Variants in PRCC observed in about 807,000 individuals in gnomAD.
PRCC encodes proline rich mitotic checkpoint control factor.
PRCC carries 10 observed loss-of-function variants against 44.0 expected under a neutral mutation model. That is an observed-to-expected ratio of 0.23 (90% CI 0.14 to 0.39). The LOEUF is 0.39. PRCC is among the 10% of genes least tolerant of loss of function. The pLI, the probability that PRCC is intolerant of heterozygous loss-of-function variation, is 1.00. For synonymous variants in PRCC, 278 were observed against 259.5 expected (o/e 1.07, Z -0.69); for missense variants, 573 against 624.7 (o/e 0.92, Z 0.88).
At position 156,797,287 on chromosome 1, in the gene PRCC, G is replaced by A; in HGVS notation, c.1335G>A (p.Glu445=). 6.2e-7 allele frequency: 1 copy of A among 1,614,144 alleles called. No individual in the cohort carries two copies. ...TMKSFSKKKG[E]QPTGQQRRKH... ...TTCTTCTCTTGCAGAAGAAAGGTGAGCAGCCAACAGGCCAGCAGCGGCGGA... is the reference window on the plus strand; with the variant it reads ...TTCTTCTCTTGCAGAAGAAAGGTGAACAGCCAACAGGCCAGCAGCGGCGGA... Residue 445 remains glutamate, a synonymous_variant, in exon 6 of 7, where the codon GAG becomes GAA. Transcript: ENST00000271526.
chr1:156,790,679 A>T (rs1402073165), intron 3 of PRCC, among the ~76,000 whole-genome samples: 3 of 152,236 alleles, frequency 2.0e-5, no homozygotes, highest in Admixed American at 6.5e-5. Flanking sequence ...GAAAATAAAA[A>T]AGATGCTATT....
At chr1:156,794,522 A>G (rs1652594237) in intron 4 of PRCC, 143 bp from the exon 5 acceptor site, 1 of 966,926 alleles carries the variant, frequency 1.0e-6, no homozygotes, top group South Asian at 1.7e-5. Context: ...AGTTTGGTAG[A>G]TGGCAGGGTG....
rs182402078 is a variant in PRCC, at chr1:156,782,791, C to T, written c.516+462C>T. On this transcript the variant is annotated intron_variant, in intron 2 of 6. Coordinates refer to ENST00000271526, the MANE Select transcript of PRCC (RefSeq NM_005973.5). ...AATTGATTTCATCCTCATGATAGTG[C>T]CTAAGCCATAGTGTTATCATCCCTG... is the stretch of plus-strand genomic sequence containing the variant. 7.8e-3 allele frequency among the ~76,000 whole-genome samples: 1,180 copies of T among 152,230 alleles called. 11 individuals carry two copies. Among genetic ancestry groups the T allele is most frequent in the Non-Finnish European group, 0.01 (686 of 68,020 alleles).
At chr1:156,771,656 T>A (rs1177162116) in intron 1 of PRCC, among the ~76,000 whole-genome samples, 1 of 150,926 alleles carries the variant, frequency 6.6e-6, no homozygotes, top group Non-Finnish European at 1.5e-5. Context: ...TTGCAAGTGT[T>A]AGAAGCCAAC....
chr1:156,768,154 G>A lies in PRCC; in HGVS notation c.383G>A (p.Gly128Asp). Residue 128 changes from glycine to aspartate, a missense_variant, in exon 1 of 7, where the codon GGT becomes GAT. Transcript: ENST00000271526. The stretch of plus-strand genomic sequence containing the variant: ...CTCAATCTGCCCCCTCCAATTGGCG[G>A]TGCCGGTCCCCCGCTGGGGCTTCCC... ...PGLNLPPPIG[G>D]AGPPLGLPKP... 1 of 1,557,740 alleles carries A rather than the reference G, an allele frequency of 6.4e-7. No individual in the cohort carries two copies. Among genetic ancestry groups the A allele is most frequent in the Non-Finnish European group, 8.7e-7 (1 of 1,151,056 alleles).
rs566730474 is a variant in PRCC, at chr1:156,777,773, T to C, written c.469-4509T>C. ...AGGTGAGAGTCATCAGAGAGACTTCTCAGGAGTTTCGAGTCAGGAAGTAGA... is the reference window on the plus strand; with the variant it reads ...AGGTGAGAGTCATCAGAGAGACTTCCCAGGAGTTTCGAGTCAGGAAGTAGA... On this transcript the variant is annotated intron_variant, in intron 1 of 6. Coordinates refer to ENST00000271526, the MANE Select transcript of PRCC (RefSeq NM_005973.5). Among the ~76,000 whole-genome samples, 9 of 152,142 alleles carry C rather than the reference T, an allele frequency of 5.9e-5. No individual in the cohort carries two copies. In the South Asian group the frequency reaches 1.9e-3, roughly 32 times the overall value.
At chr1:156,795,546 A>T (rs1224105484) in intron 5 of PRCC, among the ~76,000 whole-genome samples, 1 of 152,030 alleles carries the variant, frequency 6.6e-6, no homozygotes, top group East Asian at 1.9e-4. Flanking sequence ...TTGGCCTGCC[A>T]AAGTGCTGGG....
intron 4 of PRCC, among the ~76,000 whole-genome samples, chr1:156,793,483 G>A (rs1446364461): frequency 6.7e-6 from 1 of 148,520 alleles, no homozygotes; most frequent in Non-Finnish European, 1.5e-5. Flanking sequence ...GTCCTAGAAA[G>A]TTTACTGGGC....
At chr1:156,799,500 CCCCTTTCCTGGG>C (rs765657608) in intron 6 of PRCC, among the ~76,000 whole-genome samples, 33 of 152,176 alleles carry the variant, frequency 2.2e-4, no homozygotes, top group Non-Finnish European at 4.1e-4. Context: ...CCTTTCCTGG[CCCCTTTCCTGGG>C]AAGTGTACAT....
Position 156,782,244 on chromosome 1 carries a change from A to G in PRCC, c.469-38A>G, listed in dbSNP as rs777220998. Reference sequence around the variant, plus strand: ...TTTAATGTGTTTCCTTTACTGTCCTAAAACAGTGAGGCCTTACTTCATTTC... The same window carrying G: ...TTTAATGTGTTTCCTTTACTGTCCTGAAACAGTGAGGCCTTACTTCATTTC... On this transcript the variant is annotated intron_variant, in intron 1 of 6. Coordinates refer to ENST00000271526, the MANE Select transcript of PRCC (RefSeq NM_005973.5). The G allele has an allele frequency of 7.1e-6, 11 of 1,554,560 alleles. No homozygotes were observed. The East Asian group carries it at 2.0e-4, about 29-fold the overall frequency.
intron 1 of PRCC, among the ~76,000 whole-genome samples, chr1:156,775,513 T>A (rs1033007569): frequency 2.2e-4 from 14 of 63,720 alleles, no homozygotes; most frequent in Admixed American, 5.4e-4. Context: ...CGATTTAAAA[T>A]TTTTTTTTTT....
chr1:156,795,043 C>T (rs932542514), intron 5 of PRCC, among the ~76,000 whole-genome samples: 3 of 152,110 alleles, frequency 2.0e-5, no homozygotes, highest in Non-Finnish European at 4.4e-5. Flanking sequence ...TTGCTGAGAT[C>T]GAGTAGTTGG....
chr1:156,796,547 T>C (rs1652666710), intron 5 of PRCC: 1 of 152,274 alleles, frequency 6.6e-6, no homozygotes, highest in South Asian at 2.1e-4. Flanking sequence ...AACCGCAGAA[T>C]GAAAGCCCAG....
chr1:156,774,327 A>G (rs1232211229), intron 1 of PRCC, among the ~76,000 whole-genome samples: 1 of 150,772 alleles, frequency 6.6e-6, no homozygotes, highest in East Asian at 2.0e-4. Flanking sequence ...GGCGCCCGCC[A>G]CTACACCCAG....
Position 156,786,974 on chromosome 1 carries a change from A to C in PRCC, c.883A>C (p.Ile295Leu). 6.2e-7 allele frequency: 1 copy of C among 1,614,078 alleles called. No individual in the cohort carries two copies. The highest frequency in any genetic ancestry group is 8.5e-7 in the Non-Finnish European group (1 of 1,180,010). Residue 295 changes from isoleucine (I) to leucine (L), a missense_variant, in exon 3 of 7, where the codon ATC becomes CTC. By Grantham distance (5) the Ile-to-Leu change is conservative. Transcript: ENST00000271526. ...TGGAGTTGAGCCATACCCTTACCCC[A>C]TCCCCACTGTCCCTGAAGAGCTGCC... ...PPGVEPYPYP[I>L]PTVPEELPPG...
chr1:156,797,249 T>C, intron 5 of PRCC, 27 bp from the exon 6 acceptor site: 1 of 1,614,022 alleles, frequency 6.2e-7, no homozygotes, highest in South Asian at 1.1e-5. Flanking sequence ...TCCTGTGGAT[T>C]AATGAATATG....
At chr1:156,793,954 CTTTTTTTT>C (rs147637460) in intron 4 of PRCC, among the ~76,000 whole-genome samples, 2 of 101,436 alleles carry the variant, frequency 2.0e-5, no homozygotes, top group Non-Finnish European at 3.9e-5. Context: ...TTCTTTCTTT[CTTTTTTTT>C]TTTTTTTTTT....
At chr1:156,791,622 T>G (rs184327469) in intron 3 of PRCC, 75 bp from the exon 4 acceptor site, 2 of 1,378,730 alleles carry the variant, frequency 1.5e-6, no homozygotes, top group East Asian at 4.6e-5. Context: ...AATTTTCTGT[T>G]TCTGGACAGA....
chr1:156,791,896 C>A, intron 4 of PRCC, 104 bp downstream of exon 4: 2 of 1,051,906 alleles, frequency 1.9e-6, no homozygotes, highest in Non-Finnish European at 2.8e-6. Context: ...AAAGACAAAA[C>A]TGTATCAGGA....
Sources: allele counts gnomAD v4.1 joint callset (sites outside exome capture counted in the v4.1 genomes callset), GRCh38; gene constraint gnomAD v4.1.1; transcripts MANE v1.5; gene names NCBI Gene and HGNC (gene_info 2026-07-23, HGNC 2026-07-21).